PRKAA1: variants seen among roughly 807,000 people sequenced by gnomAD.
PRKAA1 encodes the protein protein kinase AMP-activated catalytic subunit alpha 1.
Under a neutral mutation model 56.9 loss-of-function variants are expected in PRKAA1, and 23 were observed. The observed-to-expected ratio is 0.40, with a 90% CI of 0.29 to 0.57. PRKAA1 has a LOEUF of 0.57. PRKAA1 is among the 20% of genes least tolerant of loss of function. The probability of loss-of-function intolerance (pLI) is 0.39; values close to 1 mark genes in which losing one functional copy is unlikely to be tolerated. For missense variants in PRKAA1, 413 were observed against 679.7 expected (o/e 0.61, Z 4.36); for synonymous variants, 226 against 227.0 (o/e 1.00, Z 0.04).
chr5:40,775,360 G>T, intron 3 of PRKAA1, 50 bp downstream of exon 3: 1 of 1,406,158 alleles, frequency 7.1e-7, no homozygotes, highest in Non-Finnish European at 1.0e-6. Context: ...GCTAGTAAAG[G>T]ATAAAGGGGA....
intron 1 of PRKAA1, among the ~76,000 whole-genome samples, chr5:40,797,765 G>GC (rs1744996884): frequency 6.6e-6 from 1 of 152,150 alleles, no homozygotes; most frequent in Admixed American, 6.5e-5. Flanking sequence ...CCGCCCGCCT[G>GC]CCCCACCTGG....
chr5:40,764,423 G>A lies in PRKAA1; in HGVS notation c.1435+91C>T, dbSNP rs1743326446. ...TATTCCTTTGCAGTTGAATTACTAG[G>A]AACAAGTCAAGAAGCCTCAAAAGAA... On this transcript the variant is annotated intron_variant, in intron 8 of 8. Transcript: ENST00000397128. 2.2e-5 allele frequency: 28 copies of A among 1,251,990 alleles called. No individual in the cohort carries two copies. The South Asian group carries it at 4.8e-4, about 22-fold the overall frequency. The allele number at this position is 1,251,990 out of a possible 1,614,324, so 77.6% of individuals were successfully genotyped here. A position where few individuals can be genotyped will look rare whatever the true frequency, so the allele number is the denominator to read the frequency against.
chr5:40,772,428 G>A (rs930551231), intron 3 of PRKAA1, among the ~76,000 whole-genome samples: 2 of 150,834 alleles, frequency 1.3e-5, no homozygotes, highest in Non-Finnish European at 3.0e-5. Flanking sequence ...CCATGAGGAA[G>A]TAATATTTAA....
intron 1 of PRKAA1, among the ~76,000 whole-genome samples, chr5:40,785,362 C>A (rs1421698793): frequency 6.6e-6 from 1 of 152,114 alleles, no homozygotes; most frequent in Non-Finnish European, 1.5e-5. Context: ...ACCTCAGCCT[C>A]CCAAGTAGCT....
intron 4 of PRKAA1, among the ~76,000 whole-genome samples, chr5:40,771,196 TA>T (rs1259090541): frequency 6.6e-6 from 1 of 152,228 alleles, no homozygotes; most frequent in Non-Finnish European, 1.5e-5. Flanking sequence ...TTAAGTTGTT[TA>T]AAATTTAATT....
chr5:40,776,701 T>C (rs577741988), intron 2 of PRKAA1, among the ~76,000 whole-genome samples: 2 of 152,250 alleles, frequency 1.3e-5, no homozygotes, highest in African/African-American at 2.4e-5. Flanking sequence ...TACTGCCCTT[T>C]TGAAACCTTG....
At chr5:40,790,218 A>G (rs1744658923) in intron 1 of PRKAA1, 1 of 152,220 alleles carries the variant, frequency 6.6e-6, no homozygotes, top group South Asian at 2.1e-4. Flanking sequence ...GATTTTCTAA[A>G]CTATGATATT....
In PRKAA1 at chr5:40,798,334, A is replaced by C. The variant is rs1391753562; in HGVS notation, c.-145T>G. On this transcript the variant is annotated 5_prime_UTR_variant, in exon 1 of 9. Coordinates refer to ENST00000397128, the MANE Select transcript of PRKAA1 (RefSeq NM_006251.6). ...GCCCCGCAGCCTACGTCGGGCGCAGACGCTCCCCCTGGCGGGGCGGGCGGG... is the reference window on the plus strand; with the variant it reads ...GCCCCGCAGCCTACGTCGGGCGCAGCCGCTCCCCCTGGCGGGGCGGGCGGG... The C allele has an allele frequency of 1.5e-4, 56 of 385,618 alleles. No homozygotes were observed. The highest frequency in any genetic ancestry group is 2.2e-4 in the Non-Finnish European group (51 of 233,886). The allele number at this position is 385,618 out of a possible 1,614,324, so 23.9% of individuals were successfully genotyped here.
chr5:40,762,695 T>C lies in PRKAA1; in HGVS notation c.*83A>G. 6.5e-7 allele frequency: 1 copy of C among 1,540,486 alleles called. No homozygotes were observed. Among genetic ancestry groups the C allele is most frequent in the South Asian group, 1.2e-5 (1 of 83,436 alleles). ...GCCAGCCCTCGGTTATAATTATGTA[T>C]AACTTGATTACAAATGGAAGCATTT... is the stretch of plus-strand genomic sequence containing the variant. On this transcript the variant is annotated 3_prime_UTR_variant, in exon 9 of 9. Coordinates refer to ENST00000397128, the MANE Select transcript of PRKAA1 (RefSeq NM_006251.6).
chr5:40,776,347 G>A (rs1324950690), intron 2 of PRKAA1, among the ~76,000 whole-genome samples: 1 of 152,250 alleles, frequency 6.6e-6, no homozygotes, highest in East Asian at 1.9e-4. Context: ...GGAAGAGCAG[G>A]TTTGGGAGAG....
At chr5:40,767,376 C>CTA (rs1182849683) in intron 6 of PRKAA1, 90 bp downstream of exon 6, 1 of 1,032,106 alleles carries the variant, frequency 9.7e-7, no homozygotes, top group East Asian at 2.4e-5. Flanking sequence ...CAGGATTACA[C>CTA]TGTATATTCT....
At chr5:40,796,756 TA>T (rs2112116369) in intron 1 of PRKAA1, among the ~76,000 whole-genome samples, 1 of 152,322 alleles carries the variant, frequency 6.6e-6, no homozygotes, top group Non-Finnish European at 1.5e-5. Flanking sequence ...CTTCTAACCC[TA>T]AATAAAATCA....
In PRKAA1 at chr5:40,760,970, T is replaced by C. The variant is rs1743160114; in HGVS notation, c.*1808A>G. On this transcript the variant is annotated 3_prime_UTR_variant, in exon 9 of 9. Coordinates refer to ENST00000397128, the MANE Select transcript of PRKAA1 (RefSeq NM_006251.6). Reference sequence around the variant, plus strand: ...TATCATACACGATACCAATTTTATCTGAGGTGACTACATCTTCATTTACAT... The same window carrying C: ...TATCATACACGATACCAATTTTATCCGAGGTGACTACATCTTCATTTACAT... 6.6e-6 allele frequency: 1 copy of C among 152,262 alleles called. No individual in the cohort carries two copies. Among genetic ancestry groups the C allele is most frequent in the Non-Finnish European group, 1.5e-5 (1 of 67,994 alleles). The allele number at this position is 152,262 out of a possible 1,614,324, so 9.4% of individuals were successfully genotyped here.
intron 4 of PRKAA1, among the ~76,000 whole-genome samples, chr5:40,770,429 C>G (rs115753405): frequency 3.9e-5 from 5 of 126,884 alleles, no homozygotes; most frequent in African/African-American, 6.0e-5. Context: ...TCGTACCACT[C>G]CAGCCTGGGT....
At chr5:40,791,485 T>C (rs1270131158) in intron 1 of PRKAA1, among the ~76,000 whole-genome samples, 3 of 152,324 alleles carry the variant, frequency 2.0e-5, no homozygotes, top group African/African-American at 7.2e-5. Flanking sequence ...TCTAACTGCA[T>C]AACATTGTAA....
intron 1 of PRKAA1, among the ~76,000 whole-genome samples, chr5:40,790,819 G>GT (rs1212741228): frequency 6.6e-6 from 1 of 152,144 alleles, no homozygotes; most frequent in Non-Finnish European, 1.5e-5. Context: ...GATTACAGGC[G>GT]TGAGCCACCA....
chr5:40,779,996 CA>C (rs1744197734), intron 1 of PRKAA1, among the ~76,000 whole-genome samples: 1 of 152,074 alleles, frequency 6.6e-6, no homozygotes, highest in Non-Finnish European at 1.5e-5. Flanking sequence ...CATAGCATAG[CA>C]AATTGGCACT....
At chr5:40,797,825 G>A (rs1392258980) in intron 1 of PRKAA1, among the ~76,000 whole-genome samples, 1 of 152,082 alleles carries the variant, frequency 6.6e-6, no homozygotes, top group Non-Finnish European at 1.5e-5. Context: ...CAGCCCCTCA[G>A]GCCGCGGCGC....
Position 40,761,491 on chromosome 5 carries a change from T to C in PRKAA1, c.*1287A>G, listed in dbSNP as rs1296903413. On this transcript the variant is annotated 3_prime_UTR_variant, in exon 9 of 9. Coordinates refer to ENST00000397128, the MANE Select transcript of PRKAA1 (RefSeq NM_006251.6). ...CTAGCTGTATCTATACATATATAGG[T>C]ATAGAGAAAACAAATGACAAAACAT... 1 of 152,162 alleles carries C rather than the reference T, an allele frequency of 6.6e-6. No homozygotes were observed. The highest frequency in any genetic ancestry group is 1.9e-4 in the East Asian group (1 of 5,204). The allele number at this position is 152,162 out of a possible 1,614,324, so 9.4% of individuals were successfully genotyped here.
Sources: gnomAD v4.1 joint callset for allele counts (sites outside exome capture counted in the v4.1 genomes callset) on GRCh38, gnomAD v4.1.1 for gene constraint, MANE v1.5 for transcripts, NCBI Gene and HGNC (gene_info 2026-07-23, HGNC 2026-07-21) for gene names.